The following IFI16 variants were observed in gnomAD, a reference collection of about 807,000 sequenced individuals.
IFI16 encodes interferon gamma inducible protein 16.
Under a neutral mutation model 68.4 loss-of-function variants are expected in IFI16, and 49 were observed. The observed-to-expected ratio is 0.72, with a 90% confidence interval of 0.57 to 0.91. IFI16 has a LOEUF of 0.91. Ranked by LOEUF, IFI16 falls within the 40% of genes least tolerant of loss-of-function variation. The probability of loss-of-function intolerance (pLI) is 0.00; values close to 1 mark genes in which losing one functional copy is unlikely to be tolerated. For synonymous variants in IFI16, 307 were observed against 315.0 expected (o/e 0.97, Z 0.27); for missense variants, 878 against 942.9 (o/e 0.93, Z 0.90).
intron 6 of IFI16, among the ~76,000 whole-genome samples, chr1:159,024,061 T>C (rs1188210016): frequency 1.3e-5 from 2 of 152,266 alleles, no homozygotes; most frequent in African/African-American, 2.4e-5. Flanking sequence ...GGGGATAATC[T>C]GGCCCTCTGG....
At chr1:159,037,180 A>C (rs758866214) in intron 7 of IFI16, among the ~76,000 whole-genome samples, 1 of 152,318 alleles carries the variant, frequency 6.6e-6, no homozygotes, top group Non-Finnish European at 1.5e-5. Context: ...ACAGTTTCAA[A>C]GTTCCCAATT....
At chr1:159,005,077 AT>A (rs1652203951), upstream of IFI16, among the ~76,000 whole-genome samples, 1 of 152,200 alleles carries the variant, frequency 6.6e-6, no homozygotes, top group South Asian at 2.1e-4. Flanking sequence ...AAATAGACTG[AT>A]TAATGCCACT....
At chr1:159,014,604 A>G in intron 1 of IFI16, 57 bp from the exon 2 acceptor site, 6 of 1,179,062 alleles carry the variant, frequency 5.1e-6, no homozygotes, top group Non-Finnish European at 7.2e-6. Flanking sequence ...ATAGGCATAC[A>G]TCTTTTAAAT....
intron 1 of IFI16, among the ~76,000 whole-genome samples, chr1:159,011,579 A>G (rs1478316369): frequency 2.6e-5 from 4 of 151,996 alleles, no homozygotes; most frequent in Non-Finnish European, 5.9e-5. Flanking sequence ...TAGTACCATG[A>G]AGCACTATAA....
chr1:159,033,850 G>T (rs905790249), intron 7 of IFI16, among the ~76,000 whole-genome samples: 1 of 152,106 alleles, frequency 6.6e-6, no homozygotes, highest in Non-Finnish European at 1.5e-5. Context: ...CCCTCCAGAA[G>T]TAGAATCCTT....
chr1:159,012,040 T>C (rs1263727189), intron 1 of IFI16, among the ~76,000 whole-genome samples: 1 of 152,144 alleles, frequency 6.6e-6, no homozygotes, highest in Non-Finnish European at 1.5e-5. Context: ...TTGTAAGACA[T>C]TAGGAACACC....
intron 4 of IFI16, 151 bp downstream of exon 4, chr1:159,016,851 C>A: frequency 1.4e-6 from 1 of 728,186 alleles, no homozygotes; most frequent in Non-Finnish European, 2.3e-6. Context: ...TTTGCTTTCA[C>A]AGGGATACTT....
intron 7 of IFI16, among the ~76,000 whole-genome samples, chr1:159,037,767 C>G (rs1053421630): frequency 2.6e-5 from 4 of 151,996 alleles, no homozygotes; most frequent in African/African-American, 9.7e-5. Context: ...AATAAAGAGG[C>G]TTTTTTGATA....
Position 159,051,667 on chromosome 1 carries a change from C to G in IFI16, c.1666-12C>G, listed in dbSNP as rs1202760320. On this transcript the variant is annotated splice_polypyrimidine_tract_variant and intron_variant, in intron 9 of 11. Coordinates refer to ENST00000295809, the MANE Select transcript of IFI16 (RefSeq NM_001376587.1). Reference sequence around the variant, plus strand: ...TTTAATTGTGCCTATGTTTTGGTCTCTACCTTCTAAGTTGAAACCAAGACT... The same window carrying G: ...TTTAATTGTGCCTATGTTTTGGTCTGTACCTTCTAAGTTGAAACCAAGACT... 1 of 1,601,710 alleles carries G rather than the reference C, an allele frequency of 6.2e-7. No individual in the cohort carries two copies. The highest frequency in any genetic ancestry group is 1.3e-5 in the African/African-American group (1 of 74,282).
chr1:159,030,876 T>TGGGGGGG (rs55744576), intron 6 of IFI16, among the ~76,000 whole-genome samples: 7 of 148,572 alleles, frequency 4.7e-5, no homozygotes, highest in African/African-American at 1.8e-4. Flanking sequence ...AGGTGGTGGG[T>TGGGGGGG]GGGGGGGCCA....
chr1:159,052,309 AAGTTATTTAGAC>A, intron 10 of IFI16: 1 of 554,800 alleles, frequency 1.8e-6, no homozygotes, highest in Non-Finnish European at 3.2e-6. Context: ...ATCATCATGC[AAGTTATTTAGAC>A]AGTCACTAGG....
intron 7 of IFI16, among the ~76,000 whole-genome samples, chr1:159,042,130 C>T (rs1157061529): frequency 6.6e-6 from 1 of 152,158 alleles, no homozygotes; most frequent in Non-Finnish European, 1.5e-5. Flanking sequence ...CCAGCCAGCC[C>T]CATAGGAGGC....
intron 1 of IFI16, among the ~76,000 whole-genome samples, chr1:159,010,740 G>A (rs856062): frequency 0.88 from 134,272 of 152,122 alleles, 61,709 homozygotes; most frequent in East Asian, 1. Flanking sequence ...GCTCCATTCT[G>A]CACCGGGTGC....
chr1:159,037,503 G>A lies in IFI16; in HGVS notation c.1329+4812G>A, dbSNP rs141940992. Reference sequence around the variant, plus strand: ...AGACAGAAGCATGACTTTAAGTCACGACTCCTCTAAAGCATAGATCATATA... The same window carrying A: ...AGACAGAAGCATGACTTTAAGTCACAACTCCTCTAAAGCATAGATCATATA... On this transcript the variant is annotated intron_variant, in intron 7 of 11. Transcript: ENST00000295809. 1.9e-3 allele frequency among the ~76,000 whole-genome samples: 287 copies of A among 152,246 alleles called. 1 individual carries two copies. The highest frequency in any genetic ancestry group is 6.5e-3 in the African/African-American group (271 of 41,556).
At chr1:159,043,586 C>T (rs560459723) in intron 7 of IFI16, among the ~76,000 whole-genome samples, 1 of 152,188 alleles carries the variant, frequency 6.6e-6, no homozygotes, top group African/African-American at 2.4e-5. Context: ...TGCTCTTATA[C>T]ATCACAGCTT....
intron 10 of IFI16, chr1:159,052,433 T>C (rs1372849016): frequency 2.0e-5 from 4 of 204,986 alleles, no homozygotes; most frequent in Admixed American, 5.1e-5. Flanking sequence ...ATTTTGTTTC[T>C]TTGAGTTCTT....
At chr1:159,031,756 C>T (rs1412245338) in intron 6 of IFI16, among the ~76,000 whole-genome samples, 2 of 152,130 alleles carry the variant, frequency 1.3e-5, no homozygotes, top group African/African-American at 2.4e-5. Context: ...ATTCCACTCA[C>T]ATTTAAATGG....
intron 7 of IFI16, among the ~76,000 whole-genome samples, chr1:159,037,193 C>G (rs1337710692): frequency 1.3e-5 from 2 of 152,154 alleles, no homozygotes; most frequent in East Asian, 3.9e-4. Flanking sequence ...TCCCAATTGC[C>G]TAAATATGTG....
At chr1:159,026,445 C>T (rs1653675014) in intron 6 of IFI16, among the ~76,000 whole-genome samples, 1 of 152,034 alleles carries the variant, frequency 6.6e-6, no homozygotes, top group South Asian at 2.1e-4. Flanking sequence ...ATTACAGGTG[C>T]TTGCCACCAC....
Sources: allele counts gnomAD v4.1 joint callset (sites outside exome capture counted in the v4.1 genomes callset), GRCh38; gene constraint gnomAD v4.1.1; transcripts MANE v1.5; gene names NCBI Gene and HGNC (gene_info 2026-07-23, HGNC 2026-07-21).